Variants in PRLR observed in about 807,000 individuals in gnomAD.
PRLR encodes prolactin receptor.
PRLR carries 13 observed loss-of-function variants against 40.2 expected under a neutral mutation model. The ratio of observed to expected loss-of-function variants is 0.32; its 90% CI spans 0.21 to 0.51. The LOEUF (loss-of-function observed/expected upper bound fraction) is 0.51, where lower values mean the gene tolerates loss of function less well. Ranked by LOEUF, PRLR falls within the 20% of genes least tolerant of loss-of-function variation. PRLR has a pLI of 0.97. For synonymous variants in PRLR, 269 were observed against 278.7 expected (o/e 0.97, Z 0.35); for missense variants, 656 against 747.3 (o/e 0.88, Z 1.42).
intron 1 of PRLR, among the ~76,000 whole-genome samples, chr5:35,154,406 C>T (rs1774427093): frequency 6.6e-6 from 1 of 152,144 alleles, no homozygotes; most frequent in Non-Finnish European, 1.5e-5. Context: ...CACTGTCCTT[C>T]CTATTTTTTA....
chr5:35,227,007 T>C (rs137995532), intron 1 of PRLR, among the ~76,000 whole-genome samples: 1 of 152,332 alleles, frequency 6.6e-6, no homozygotes, highest in Non-Finnish European at 1.5e-5. Context: ...TGGTAGAGAA[T>C]GAACATTCCA....
intron 1 of PRLR, among the ~76,000 whole-genome samples, chr5:35,144,316 C>A (rs1404778649): frequency 2.0e-5 from 3 of 152,010 alleles, no homozygotes; most frequent in South Asian, 4.1e-4. Context: ...AGTAACAGAA[C>A]AAGTGAAAGG....
intron 2 of PRLR, among the ~76,000 whole-genome samples, chr5:35,101,889 G>T (rs145053528): frequency 6.6e-6 from 1 of 150,616 alleles, no homozygotes; most frequent in Non-Finnish European, 1.5e-5. Flanking sequence ...GTACAGTGGC[G>T]CAATCTCGGC....
At chr5:35,117,621 C>T (rs1312676776) in intron 2 of PRLR, among the ~76,000 whole-genome samples, 2 of 152,174 alleles carry the variant, frequency 1.3e-5, no homozygotes, top group Non-Finnish European at 2.9e-5. Context: ...AGGAAGGAGA[C>T]ACAGCAGTAA....
chr5:35,144,422 C>A (rs1774116861), intron 1 of PRLR, among the ~76,000 whole-genome samples: 1 of 151,914 alleles, frequency 6.6e-6, no homozygotes, highest in Non-Finnish European at 1.5e-5. Context: ...AATGTAAAAT[C>A]AAATTTTTAA....
intron 2 of PRLR, among the ~76,000 whole-genome samples, chr5:35,101,113 G>A (rs375245353): frequency 2.6e-5 from 4 of 152,132 alleles, no homozygotes; most frequent in African/African-American, 4.8e-5. Context: ...CCATTGTCCC[G>A]TCTGGAATAC....
rs560592402 is a variant in PRLR, at chr5:35,070,364, T to C, written c.544-99A>G. 35 of 1,301,406 alleles carry C rather than the reference T, an allele frequency of 2.7e-5. 1 individual carries two copies. The Admixed American group carries it at 4.2e-4, about 16-fold the overall frequency. 80.6% of individuals were successfully genotyped at this position (1,301,406 alleles called of 1,614,324 possible). ...TAAACTAAGTTAGGCTGAACAATCATATACAGAGAATTCCCTGCTGTCACT... is the reference window on the plus strand; with the variant it reads ...TAAACTAAGTTAGGCTGAACAATCACATACAGAGAATTCCCTGCTGTCACT... On this transcript the variant is annotated intron_variant, in intron 6 of 9. Coordinates refer to ENST00000618457, the MANE Select transcript of PRLR (RefSeq NM_000949.7).
chr5:35,110,343 C>A (rs1041624231), intron 2 of PRLR, among the ~76,000 whole-genome samples: 20 of 150,936 alleles, frequency 1.3e-4, no homozygotes, highest in Non-Finnish European at 4.4e-5. Flanking sequence ...TGCACATGTA[C>A]CCTAAAACTT....
At chr5:35,083,446 C>CTGTGTGTG (rs1183506375) in intron 5 of PRLR, among the ~76,000 whole-genome samples, 32 of 141,478 alleles carry the variant, frequency 2.3e-4, no homozygotes, top group African/African-American at 9.4e-4. Flanking sequence ...CTTCCTCTCT[C>CTGTGTGTG]TCTGTGTGTG....
chr5:35,113,223 C>A (rs1772782126), intron 2 of PRLR, among the ~76,000 whole-genome samples: 1 of 150,508 alleles, frequency 6.6e-6, no homozygotes, highest in South Asian at 2.1e-4. Flanking sequence ...CCTACCCACC[C>A]ATCTTTCCAT....
At chr5:35,155,362 G>A (rs1009638172) in intron 1 of PRLR, among the ~76,000 whole-genome samples, 3 of 151,932 alleles carry the variant, frequency 2.0e-5, no homozygotes, top group African/African-American at 7.3e-5. Flanking sequence ...ACAGAGGGAA[G>A]TTAATTTGTA....
chr5:35,108,471 A>G (rs1772423630), intron 2 of PRLR, among the ~76,000 whole-genome samples: 2 of 152,214 alleles, frequency 1.3e-5, no homozygotes, highest in South Asian at 4.1e-4. Context: ...ACCTTTAGAA[A>G]ACCCCATCGT....
At chr5:35,050,430 C>T (rs922632499) in intron 8 of PRLR, among the ~76,000 whole-genome samples, 5 of 152,220 alleles carry the variant, frequency 3.3e-5, no homozygotes, top group African/African-American at 1.2e-4. Flanking sequence ...CTGAGTCTCT[C>T]TTCTCTCTCC....
chr5:35,111,917 T>C (rs1329671834), intron 2 of PRLR, among the ~76,000 whole-genome samples: 4 of 152,228 alleles, frequency 2.6e-5, no homozygotes, highest in African/African-American at 9.6e-5. Context: ...AAGCTATTAC[T>C]ATCGTAATCG....
intron 1 of PRLR, among the ~76,000 whole-genome samples, chr5:35,206,275 C>T (rs1015104853): frequency 3.3e-5 from 5 of 152,048 alleles, no homozygotes; most frequent in African/African-American, 9.7e-5. Flanking sequence ...CTACATTATA[C>T]ACCCTAAAAG....
chr5:35,147,246 C>G (rs1246816459), intron 1 of PRLR, among the ~76,000 whole-genome samples: 1 of 152,172 alleles, frequency 6.6e-6, no homozygotes, highest in Non-Finnish European at 1.5e-5. Flanking sequence ...ACTGAAATCT[C>G]CCTGAGATTT....
chr5:35,213,567 C>A (rs1000406568), intron 1 of PRLR, among the ~76,000 whole-genome samples: 2 of 152,060 alleles, frequency 1.3e-5, no homozygotes, highest in Non-Finnish European at 2.9e-5. Flanking sequence ...CACAAATGAA[C>A]GTTTCCTTTC....
chr5:35,084,326 T>A (rs1292198224), intron 5 of PRLR, 144 bp downstream of exon 5: 3 of 788,400 alleles, frequency 3.8e-6, no homozygotes, highest in Middle Eastern at 2.7e-4. Flanking sequence ...TGATTTGAAC[T>A]GTTCTGTTGA....
At position 35,058,993 on chromosome 5, in the gene PRLR, A is replaced by C. The variant is rs770274661; in HGVS notation, c.*6096T>G. The C allele has an allele frequency of 2.0e-5, 3 of 152,184 alleles. No individual in the cohort carries two copies. Among genetic ancestry groups the C allele is most frequent in the Non-Finnish European group, 4.4e-5 (3 of 68,024 alleles). 9.4% of individuals were successfully genotyped at this position (152,184 alleles called of 1,614,324 possible). On this transcript the variant is annotated 3_prime_UTR_variant, in exon 10 of 10. Coordinates refer to ENST00000618457, the MANE Select transcript of PRLR (RefSeq NM_000949.7). Reference sequence around the variant, plus strand: ...ATTAGCTTTTCAGGAATTTCATAAAACAAATTATTTTTCAGCGGTATCTTC... The same window carrying C: ...ATTAGCTTTTCAGGAATTTCATAAACCAAATTATTTTTCAGCGGTATCTTC...
Sources: gnomAD v4.1 joint callset for allele counts (sites outside exome capture counted in the v4.1 genomes callset) on GRCh38, gnomAD v4.1.1 for gene constraint, MANE v1.5 for transcripts, NCBI Gene and HGNC (gene_info 2026-07-23, HGNC 2026-07-21) for gene names.